NLRP8: variants seen among roughly 807,000 people sequenced by gnomAD.
The protein encoded by NLRP8 is NACHT, LRR and PYD domains-containing protein 8.
Under a neutral mutation model 88.7 loss-of-function variants are expected in NLRP8, and 86 were observed. That is an observed-to-expected ratio of 0.97 (90% CI 0.81 to 1.16). NLRP8 has a LOEUF of 1.16. Among genes scored for constraint, NLRP8 ranks in the 50% most tolerant of loss-of-function variants. The probability of loss-of-function intolerance (pLI) is 0.00; values close to 1 mark genes in which losing one functional copy is unlikely to be tolerated. For synonymous variants in NLRP8, 504 were observed against 494.6 expected (o/e 1.02, Z -0.25); for missense variants, 1,342 against 1,286.5 (o/e 1.04, Z -0.66).
chr19:55,974,608 C>T (rs938149961), intron 7 of NLRP8, among the ~76,000 whole-genome samples: 2 of 151,500 alleles, frequency 1.3e-5, no homozygotes, highest in South Asian at 2.1e-4. Flanking sequence ...CAGTGGCGGG[C>T]GCCTGTAGTC....
In NLRP8 at chr19:55,954,673, C is replaced by G. The variant is rs1568459172; in HGVS notation, c.615C>G (p.Thr205=). The change falls in exon 3 of 10, where the codon ACC becomes ACG. Residue 205 remains threonine, a synonymous_variant. Transcript: ENST00000291971. ...GACCCCAGGGTAGACAGCCCAAGAC[C>G]GTGGCCATACAGGGAGCTCCTGGGA... 5 of 1,614,112 alleles carry G rather than the reference C, an allele frequency of 3.1e-6. No individual in the cohort carries two copies. Among genetic ancestry groups the G allele is most frequent in the Admixed American group, 3.3e-5 (2 of 59,990 alleles).
intron 1 of NLRP8, among the ~76,000 whole-genome samples, chr19:55,949,154 A>G (rs1422158471): frequency 2.0e-5 from 3 of 152,222 alleles, no homozygotes; most frequent in African/African-American, 7.2e-5. Context: ...ATAGTATAGT[A>G]TTATAATTGT....
intron 8 of NLRP8, 61 bp from the exon 9 acceptor site, chr19:55,979,333 T>C: frequency 6.3e-7 from 1 of 1,578,938 alleles, no homozygotes; most frequent in African/African-American, 1.3e-5. Context: ...TCACACCGGC[T>C]GAGCTCTCAG....
intron 9 of NLRP8, among the ~76,000 whole-genome samples, chr19:55,980,548 T>C (rs983854361): frequency 6.6e-6 from 1 of 152,118 alleles, no homozygotes; most frequent in Non-Finnish European, 1.5e-5. Context: ...TGAGGGCTGT[T>C]GAATCTGCTT....
chr19:55,988,144 C>G lies in NLRP8; in HGVS notation c.*231C>G. The G allele has an allele frequency of 5.7e-6, 2 of 351,390 alleles. No homozygotes were observed. The highest frequency in any genetic ancestry group is 1.8e-3 in the Middle Eastern group (2 of 1,140). 21.8% of individuals were successfully genotyped at this position (351,390 alleles called of 1,614,324 possible). ...GTGGTGGCTCACGCCTGTAACCCAGCACTATGGGAGGTCGAGGTGGGCAGA... is the reference window on the plus strand; with the variant it reads ...GTGGTGGCTCACGCCTGTAACCCAGGACTATGGGAGGTCGAGGTGGGCAGA... On this transcript the variant is annotated 3_prime_UTR_variant, in exon 10 of 10. Transcript: ENST00000291971.
rs760284941 is a variant in NLRP8 at position 55,955,675 on chromosome 19, G to A, written c.1617G>A (p.Gln539=). The A allele has an allele frequency of 6.2e-7, 1 of 1,614,126 alleles. No individual in the cohort carries two copies. Among genetic ancestry groups the A allele is most frequent in the Non-Finnish European group, 8.5e-7 (1 of 1,179,992 alleles). The change falls in exon 3 of 10, where the codon CAG becomes CAA. Residue 539 remains glutamine (Q), a synonymous_variant. Coordinates refer to ENST00000291971, the MANE Select transcript of NLRP8 (RefSeq NM_176811.2). ...ATGTGTTGAGCCACGTGAATATCCA[G>A]CGCCTGATAGCGAGTCCCAGAGGAA...
At chr19:55,972,303 C>T (rs1010853417) in intron 6 of NLRP8, among the ~76,000 whole-genome samples, 30 of 151,620 alleles carry the variant, frequency 2.0e-4, no homozygotes, top group African/African-American at 6.3e-4. Context: ...TTAGTAGACA[C>T]GGGGTTTTGC....
intron 1 of NLRP8, among the ~76,000 whole-genome samples, chr19:55,951,775 G>A (rs1394328449): frequency 1.3e-5 from 2 of 152,122 alleles, no homozygotes; most frequent in African/African-American, 4.8e-5. Flanking sequence ...TTTGAGACAA[G>A]GTCTTACTCT....
intron 6 of NLRP8, among the ~76,000 whole-genome samples, chr19:55,972,497 G>A (rs4801654): frequency 0.14 from 21,646 of 151,082 alleles, 2,034 homozygotes; most frequent in East Asian, 0.47. Flanking sequence ...AAGCTTTTTC[G>A]TGGTGATTTC....
Position 55,976,177 on chromosome 19 carries a change from T to C in NLRP8, c.2750T>C (p.Ile917Thr), listed in dbSNP as rs1473233583. 4 of 1,613,306 alleles carry C rather than the reference T, an allele frequency of 2.5e-6. No homozygotes were observed. The African/African-American group carries it at 4.0e-5, about 16-fold the overall frequency. Residue 917 changes from isoleucine to threonine, a missense_variant, in exon 8 of 10, where the codon ATC (isoleucine) becomes ACC (threonine). By Grantham distance (89) the Ile-to-Thr change is moderately conservative. Transcript: ENST00000291971. ...ACCTTTAATTGCTGTCAGGATATGA[T>C]CTCTGCGCTCTGTAAAAATAAAACC...
At chr19:55,974,928 G>A (rs1284148575) in intron 7 of NLRP8, among the ~76,000 whole-genome samples, 1 of 152,020 alleles carries the variant, frequency 6.6e-6, no homozygotes, top group African/African-American at 2.4e-5. Flanking sequence ...TGAAATGCAT[G>A]AGGTTAGAAA....
At chr19:55,975,371 G>T (rs568963527) in intron 7 of NLRP8, among the ~76,000 whole-genome samples, 1 of 152,346 alleles carries the variant, frequency 6.6e-6, no homozygotes, top group East Asian at 1.9e-4. Flanking sequence ...AGCTTTGGCA[G>T]TTCCTCAAAA....
At chr19:55,975,139 T>C (rs1455210845) in intron 7 of NLRP8, among the ~76,000 whole-genome samples, 4 of 152,178 alleles carry the variant, frequency 2.6e-5, no homozygotes, top group African/African-American at 9.7e-5. Context: ...ACCATAACCA[T>C]CGAATCCCCT....
chr19:55,977,417 G>A (rs960297334), intron 8 of NLRP8, among the ~76,000 whole-genome samples: 5 of 142,768 alleles, frequency 3.5e-5, no homozygotes, highest in African/African-American at 5.1e-5. Context: ...GTAAATATAT[G>A]TAAATATACA....
chr19:55,987,780 C>T (rs1313644125), intron 9 of NLRP8: 4 of 1,520,600 alleles, frequency 2.6e-6, no homozygotes, highest in South Asian at 2.2e-5. Context: ...CAGAAAATAA[C>T]CTCAACCAGC....
intron 9 of NLRP8, among the ~76,000 whole-genome samples, chr19:55,983,515 A>G (rs1021838171): frequency 6.6e-6 from 1 of 151,122 alleles, no homozygotes; most frequent in Non-Finnish European, 1.5e-5. Context: ...ATGTGGTGGT[A>G]GAGAAACCAT....
chr19:55,967,956 C>A (rs1199191349), intron 5 of NLRP8, among the ~76,000 whole-genome samples: 2 of 152,350 alleles, frequency 1.3e-5, no homozygotes, highest in East Asian at 3.9e-4. Context: ...ACACTTCTGG[C>A]CTCTGGGCCC....
intron 1 of NLRP8, among the ~76,000 whole-genome samples, chr19:55,950,546 T>TA (rs1237843582): frequency 6.6e-6 from 1 of 152,200 alleles, no homozygotes; most frequent in East Asian, 1.9e-4. Context: ...AATCAATACT[T>TA]ACAGCGCTTT....
chr19:55,987,532 C>T (rs763762580), intron 9 of NLRP8, among the ~76,000 whole-genome samples: 12 of 152,148 alleles, frequency 7.9e-5, no homozygotes, highest in Admixed American at 2.0e-4. Context: ...ACAATTCTGA[C>T]GGTGTTGTTT....
Sources: allele counts gnomAD v4.1 joint callset (sites outside exome capture counted in the v4.1 genomes callset), GRCh38; gene constraint gnomAD v4.1.1; transcripts MANE v1.5; gene names NCBI Gene and HGNC (gene_info 2026-07-23, HGNC 2026-07-21).